NCKAP5: variants seen among roughly 807,000 people sequenced by gnomAD.
NCKAP5 encodes nck-associated protein 5.
Under a neutral mutation model 167.0 loss-of-function variants are expected in NCKAP5, and 92 were observed. That is an observed-to-expected ratio of 0.55 (90% confidence interval 0.47 to 0.66). NCKAP5 has a LOEUF of 0.66. Ranked by LOEUF, NCKAP5 falls within the 30% of genes least tolerant of loss-of-function variation. The pLI is 0.00. For synonymous variants in NCKAP5, 891 were observed against 877.4 expected (o/e 1.02, Z -0.27); for missense variants, 2,378 against 2,315.0 (o/e 1.03, Z -0.56).
At chr2:132,821,255 G>C (rs1686710125) in intron 11 of NCKAP5, among the ~76,000 whole-genome samples, 1 of 152,120 alleles carries the variant, frequency 6.6e-6, no homozygotes, top group Non-Finnish European at 1.5e-5. Flanking sequence ...ATCCCCACTG[G>C]GGAATCTGAA....
chr2:132,746,487 TA>T (rs1559002078), intron 16 of NCKAP5, among the ~76,000 whole-genome samples: 1 of 151,986 alleles, frequency 6.6e-6, no homozygotes, highest in Non-Finnish European at 1.5e-5. Flanking sequence ...ATCAATTTCT[TA>T]AATAGAGCAA....
chr2:133,229,330 C>A (rs776093415), intron 4 of NCKAP5, among the ~76,000 whole-genome samples: 1 of 152,144 alleles, frequency 6.6e-6, no homozygotes, highest in Admixed American at 6.5e-5. Flanking sequence ...GAGGGCATTT[C>A]TTGTATCTTA....
intron 4 of NCKAP5, among the ~76,000 whole-genome samples, chr2:133,216,426 T>G (rs2086432539): frequency 6.6e-6 from 1 of 152,076 alleles, no homozygotes; most frequent in South Asian, 2.1e-4. Context: ...ACCTATGTGT[T>G]CGTAAGTATT....
At chr2:132,739,881 T>G (rs1679015492) in intron 16 of NCKAP5, among the ~76,000 whole-genome samples, 1 of 152,186 alleles carries the variant, frequency 6.6e-6, no homozygotes, top group Non-Finnish European at 1.5e-5. Flanking sequence ...AGGCAGCACC[T>G]TAAAAAGCTT....
At chr2:133,542,220 C>G (rs1368317892) in intron 2 of NCKAP5, among the ~76,000 whole-genome samples, 1 of 152,132 alleles carries the variant, frequency 6.6e-6, no homozygotes, top group Non-Finnish European at 1.5e-5. Flanking sequence ...AATACAGTTA[C>G]AAAAATGGGA....
At chr2:133,148,694 G>A (rs775153469) in intron 5 of NCKAP5, among the ~76,000 whole-genome samples, 4 of 152,052 alleles carry the variant, frequency 2.6e-5, no homozygotes, top group Non-Finnish European at 5.9e-5. Context: ...GTTTACAGAT[G>A]GACACCTGCC....
the NCKAP5 span, among the ~76,000 whole-genome samples, chr2:133,648,280 C>G: frequency 6.6e-6 from 1 of 151,954 alleles, no homozygotes; most frequent in African/African-American, 2.4e-5. Context: ...ACTGGCAAAA[C>G]TGAAGGGAGA....
chr2:133,233,935 C>A (rs780726397), intron 4 of NCKAP5, among the ~76,000 whole-genome samples: 6 of 152,190 alleles, frequency 3.9e-5, no homozygotes, highest in Admixed American at 1.3e-4. Context: ...TTTTACTTTG[C>A]TGTGGAAACA....
chr2:133,545,387 G>T (rs1011728190), intron 2 of NCKAP5, among the ~76,000 whole-genome samples: 2 of 152,118 alleles, frequency 1.3e-5, no homozygotes, highest in Non-Finnish European at 2.9e-5. Context: ...ACTTCCCTCT[G>T]CCAATAGTTT....
Position 133,383,843 on chromosome 2 carries a change from G to T in NCKAP5, c.70-80733C>A, listed in dbSNP as rs535180841. ...ATGACAAGCATTTTTTCATGTGTCT[G>T]TTGGCTGCATAAATGTCTTCTTTTG... On this transcript the variant is annotated intron_variant, in intron 3 of 19. Coordinates refer to ENST00000409261, the MANE Select transcript of NCKAP5 (RefSeq NM_207363.3). 2.7e-3 allele frequency among the ~76,000 whole-genome samples: 404 copies of T among 152,236 alleles called. 5 individuals carry two copies. Among genetic ancestry groups the T allele is most frequent in the African/African-American group, 8.8e-3 (364 of 41,528 alleles).
intron 5 of NCKAP5, among the ~76,000 whole-genome samples, chr2:133,169,036 C>T (rs1222567203): frequency 6.6e-6 from 1 of 152,150 alleles, no homozygotes; most frequent in African/African-American, 2.4e-5. Flanking sequence ...TTGTACAAAC[C>T]AGTCTTGAAC....
At chr2:133,442,645 C>T (rs1690932224) in intron 3 of NCKAP5, among the ~76,000 whole-genome samples, 1 of 152,218 alleles carries the variant, frequency 6.6e-6, no homozygotes, top group Non-Finnish European at 1.5e-5. Context: ...GCTGTCACCA[C>T]CTTTAGCCAT....
At chr2:133,075,048 A>G (rs180783549) in intron 6 of NCKAP5, among the ~76,000 whole-genome samples, 190 of 152,332 alleles carry the variant, frequency 1.2e-3, no homozygotes, top group Admixed American at 3.1e-3. Context: ...GAAGAACCAT[A>G]TGTAGATACA....
intron 3 of NCKAP5, among the ~76,000 whole-genome samples, chr2:133,475,666 T>G (rs766754569): frequency 6.6e-5 from 10 of 152,314 alleles, no homozygotes; most frequent in Middle Eastern, 3.4e-3. Context: ...TTTTTCACAA[T>G]GAAACAGTCA....
At chr2:133,133,332 G>A (rs1330234877) in intron 5 of NCKAP5, among the ~76,000 whole-genome samples, 1 of 152,196 alleles carries the variant, frequency 6.6e-6, no homozygotes, top group Non-Finnish European at 1.5e-5. Flanking sequence ...CTGCCTAGGA[G>A]AGCCTCATGA....
intron 16 of NCKAP5, among the ~76,000 whole-genome samples, chr2:132,761,890 T>C (rs1370763449): frequency 6.6e-6 from 1 of 152,170 alleles, no homozygotes; most frequent in Non-Finnish European, 1.5e-5. Context: ...GCACCACTCA[T>C]TGACCTGGGA....
Position 133,470,717 on chromosome 2 carries a change from G to A in NCKAP5, c.69+46741C>T, listed in dbSNP as rs573148996. Among the ~76,000 whole-genome samples the A allele has an allele frequency of 3.3e-5, 5 of 152,334 alleles. No homozygotes were observed. In the East Asian group the frequency reaches 9.7e-4, roughly 29 times the overall value. ...GGTGCAGGATATAATCTCGTGGTGC[G>A]CCGTTTTTTAAGCCTGTCGGAAAAG... On this transcript the variant is annotated intron_variant, in intron 3 of 19. Transcript: ENST00000409261.
intron 3 of NCKAP5, among the ~76,000 whole-genome samples, chr2:133,463,423 A>T (rs993428253): frequency 8.5e-5 from 13 of 152,236 alleles, no homozygotes; most frequent in African/African-American, 3.1e-4. Context: ...TCCACTCTGA[A>T]CATTCCTTTT....
chr2:132,952,037 T>C (rs1319838415), intron 8 of NCKAP5, among the ~76,000 whole-genome samples: 1 of 152,170 alleles, frequency 6.6e-6, no homozygotes, highest in African/African-American at 2.4e-5. Flanking sequence ...AATGCTTAAT[T>C]GGCTATAACT....
Sources: allele counts gnomAD v4.1 joint callset (sites outside exome capture counted in the v4.1 genomes callset), GRCh38; gene constraint gnomAD v4.1.1; transcripts MANE v1.5; gene names NCBI Gene and HGNC (gene_info 2026-07-23, HGNC 2026-07-21).